LRRC52: variants seen among roughly 807,000 people sequenced by gnomAD.
The protein encoded by LRRC52 is leucine rich repeat containing 52.
A neutral mutation model predicts 14.7 loss-of-function variants in LRRC52; 15 were observed. That is an observed-to-expected ratio of 1.02 (90% CI 0.68 to 1.58). The LOEUF is 1.58. Ranked by LOEUF, LRRC52 falls within the 40% of genes most tolerant of loss-of-function variation. The pLI, the probability that LRRC52 is intolerant of heterozygous loss-of-function variation, is 0.00. For synonymous variants in LRRC52, 180 were observed against 163.9 expected, an observed-to-expected ratio of 1.10 and a Z score of -0.75; for missense variants, 400 against 387.7, an observed-to-expected ratio of 1.03 and a Z score of -0.27.
At chr1:165,550,163 G>A (rs1315391356) in intron 1 of LRRC52, among the ~76,000 whole-genome samples, 2 of 152,154 alleles carry the variant, frequency 1.3e-5, no homozygotes, top group Non-Finnish European at 2.9e-5. Flanking sequence ...AGGTGAGAGT[G>A]GTCATTGAGT....
chr1:165,558,532 A>G (rs1661283419), intron 1 of LRRC52, among the ~76,000 whole-genome samples: 1 of 152,234 alleles, frequency 6.6e-6, no homozygotes, highest in South Asian at 2.1e-4. Flanking sequence ...TTAATTTTGT[A>G]AAGCATCTCA....
chr1:165,557,700 C>G (rs1266629167), intron 1 of LRRC52, among the ~76,000 whole-genome samples: 2 of 151,876 alleles, frequency 1.3e-5, no homozygotes, highest in South Asian at 4.1e-4. Context: ...GGACTGGGGC[C>G]TAAAAGAAAA....
intron 1 of LRRC52, among the ~76,000 whole-genome samples, chr1:165,563,030 G>A (rs1571114937): frequency 6.6e-6 from 1 of 152,154 alleles, no homozygotes; most frequent in African/African-American, 2.4e-5. Flanking sequence ...TACTGCTAAA[G>A]AGAAAGGGAC....
At chr1:165,544,972 A>G in intron 1 of LRRC52, 54 bp downstream of exon 1, 1 of 1,589,280 alleles carries the variant, frequency 6.3e-7, no homozygotes, top group Non-Finnish European at 8.6e-7. Flanking sequence ...GGCTCCAGAA[A>G]AGGTGAACTC....
intron 1 of LRRC52, among the ~76,000 whole-genome samples, chr1:165,551,488 G>A: frequency 6.6e-6 from 1 of 152,210 alleles, no homozygotes; most frequent in East Asian, 1.9e-4. Context: ...CAATTTGACA[G>A]GGAACAACCA....
At chr1:165,559,691 C>A (rs1382834756) in intron 1 of LRRC52, among the ~76,000 whole-genome samples, 2 of 152,184 alleles carry the variant, frequency 1.3e-5, no homozygotes, top group Admixed American at 1.3e-4. Flanking sequence ...GCAAAGCCAA[C>A]TCTACCATAG....
At chr1:165,551,997 G>T in intron 1 of LRRC52, among the ~76,000 whole-genome samples, 1 of 135,802 alleles carries the variant, frequency 7.4e-6, no homozygotes, top group East Asian at 2.0e-4. Context: ...AAAAAAAAAG[G>T]CTGGGCAACC....
At chr1:165,556,445 C>T (rs1661235853) in intron 1 of LRRC52, among the ~76,000 whole-genome samples, 1 of 152,160 alleles carries the variant, frequency 6.6e-6, no homozygotes, top group East Asian at 1.9e-4. Context: ...CCAAATAACA[C>T]AAATCCTTAA....
At position 165,563,886 on chromosome 1, in the gene LRRC52, C is replaced by T. The variant is rs554046772; in HGVS notation, c.*62C>T. On this transcript the variant is annotated 3_prime_UTR_variant, in exon 2 of 2. Transcript: ENST00000294818. ...CTCCCTGCTTTCTCTCTTGCCCTCC[C>T]CATCCCACCACCTTGGAGCTGTCAT... The T allele has an allele frequency of 1.4e-5, 21 of 1,499,206 alleles. No individual in the cohort carries two copies. The African/African-American group carries it at 2.2e-4, about 16-fold the overall frequency. 92.9% of individuals were successfully genotyped at this position (1,499,206 alleles called of 1,614,324 possible). A position where few individuals can be genotyped will look rare whatever the true frequency, so the allele number is the denominator to read the frequency against.
rs1661394410 is a variant in LRRC52, at chr1:165,563,667, C to T, written c.785C>T (p.Ala262Val). 8 of 1,614,094 alleles carry T rather than the reference C, an allele frequency of 5.0e-6. No individual in the cohort carries two copies. Among genetic ancestry groups the T allele is most frequent in the Non-Finnish European group, 6.8e-6 (8 of 1,180,044 alleles). ...GFCIFAAGTV[A>V]AWLTGVCAVL... ...TGCATCTTCGCCGCGGGAACTGTGG[C>T]TGCCTGGCTCACAGGTGTGTGTGCT... Residue 262 changes from alanine (A) to valine (V), a missense_variant, in exon 2 of 2, where the codon GCT (alanine) becomes GTT (valine). Coordinates refer to ENST00000294818, the MANE Select transcript of LRRC52 (RefSeq NM_001005214.4).
Position 165,544,886 on chromosome 1 carries a change from T to G in LRRC52, c.590T>G (p.Ile197Ser), listed in dbSNP as rs1660986227. The G allele has an allele frequency of 6.2e-7, 1 of 1,614,152 alleles. No individual in the cohort carries two copies. Among genetic ancestry groups the G allele is most frequent in the Non-Finnish European group, 8.5e-7 (1 of 1,180,038 alleles). Reference sequence around the variant, plus strand: ...AACTGCTCTTTCCTGGACTTCGCCATCTTCTTAATAGTGTTCCATATGGAC... The same window carrying G: ...AACTGCTCTTTCCTGGACTTCGCCAGCTTCTTAATAGTGTTCCATATGGAC... Reference protein sequence around the residue: ...KCNCSFLDFAIFLIVFHMDPS... With the variant: ...KCNCSFLDFASFLIVFHMDPS... The change falls in exon 1 of 2, where the codon ATC becomes AGC. Residue 197 changes from isoleucine (I) to serine (S), a missense_variant. Physicochemically the swap from Ile to Ser is moderately radical, Grantham distance 142. Transcript: ENST00000294818.
At chr1:165,550,232 C>A (rs1661103441) in intron 1 of LRRC52, among the ~76,000 whole-genome samples, 1 of 152,148 alleles carries the variant, frequency 6.6e-6, no homozygotes, top group African/African-American at 2.4e-5. Flanking sequence ...TCAGGAGGCT[C>A]TCGAAAACTC....
At chr1:165,550,212 T>TG in intron 1 of LRRC52, among the ~76,000 whole-genome samples, 1 of 152,322 alleles carries the variant, frequency 6.6e-6, no homozygotes, top group Non-Finnish European at 1.5e-5. Context: ...GGGACAGGGT[T>TG]GAATGGCTTT....
intron 1 of LRRC52, among the ~76,000 whole-genome samples, chr1:165,547,112 G>A (rs11582089): frequency 8.5e-5 from 13 of 152,074 alleles, no homozygotes; most frequent in Non-Finnish European, 1.8e-4. Flanking sequence ...GAAGAGTCTA[G>A]GATTGGTATT....
At chr1:165,546,468 G>C (rs979962533) in intron 1 of LRRC52, among the ~76,000 whole-genome samples, 1 of 152,186 alleles carries the variant, frequency 6.6e-6, no homozygotes, top group African/African-American at 2.4e-5. Flanking sequence ...AACTGTGATA[G>C]TGTCTAGAAA....
intron 1 of LRRC52, among the ~76,000 whole-genome samples, chr1:165,547,979 G>T (rs925091541): frequency 6.6e-6 from 1 of 152,176 alleles, no homozygotes; most frequent in African/African-American, 2.4e-5. Context: ...AACATTCTTG[G>T]TGAAGTTTCA....
chr1:165,544,439 C>G lies in LRRC52; in HGVS notation c.143C>G (p.Pro48Arg). 6.2e-7 allele frequency: 1 copy of G among 1,614,138 alleles called. No homozygotes were observed. Among genetic ancestry groups the G allele is most frequent in the Middle Eastern group, 1.6e-4 (1 of 6,062 alleles). ...ICTGKQLTEY[P>R]LDIPLNTRRL... ...ACAGGGAAGCAGTTAACCGAATACC[C>G]CCTTGACATACCCCTGAACACCCGG... The change falls in exon 1 of 2, where the codon CCC (proline) becomes CGC (arginine). Residue 48 changes from proline to arginine, a missense_variant. Physicochemically the swap from Pro to Arg is moderately radical, Grantham distance 103. Coordinates refer to ENST00000294818, the MANE Select transcript of LRRC52 (RefSeq NM_001005214.4).
chr1:165,549,017 T>C (rs76132079), intron 1 of LRRC52, among the ~76,000 whole-genome samples: 5,050 of 152,208 alleles, frequency 0.033, 303 homozygotes, highest in African/African-American at 0.12. Flanking sequence ...GGAAGGTGGG[T>C]AGCTGCTTCT....
At chr1:165,558,047 C>T (rs375810928) in intron 1 of LRRC52, among the ~76,000 whole-genome samples, 8 of 152,174 alleles carry the variant, frequency 5.3e-5, no homozygotes, top group Admixed American at 2.0e-4. Flanking sequence ...TTATAACTGG[C>T]GGGTTCAATA....
Sources: allele counts gnomAD v4.1 joint callset (sites outside exome capture counted in the v4.1 genomes callset), GRCh38; gene constraint gnomAD v4.1.1; transcripts MANE v1.5; gene names NCBI Gene and HGNC (gene_info 2026-07-23, HGNC 2026-07-21).